Variants in DGKB observed in about 807,000 individuals in gnomAD.
DGKB encodes diacylglycerol kinase beta.
Under a neutral mutation model 114.3 loss-of-function variants are expected in DGKB, and 67 were observed. That is an observed-to-expected ratio of 0.59 (90% CI 0.48 to 0.72). The LOEUF is 0.72. Ranked by LOEUF, DGKB falls within the 30% of genes least tolerant of loss-of-function variation. The pLI, the probability that DGKB is intolerant of heterozygous loss-of-function variation, is 0.00. For missense variants in DGKB, 907 were observed against 975.2 expected (o/e 0.93, Z 0.93); for synonymous variants, 398 against 323.1 (o/e 1.23, Z -2.49).
chr7:14,706,987 A>G (rs1826370388), intron 6 of DGKB, among the ~76,000 whole-genome samples: 1 of 150,512 alleles, frequency 6.6e-6, no homozygotes, highest in East Asian at 2.0e-4. Context: ...TGAAGGAAAT[A>G]GAGACACAAA....
intron 20 of DGKB, among the ~76,000 whole-genome samples, chr7:14,561,956 C>T (rs901672815): frequency 2.6e-5 from 4 of 152,162 alleles, no homozygotes; most frequent in Non-Finnish European, 2.9e-5. Flanking sequence ...GTGGCAGCCC[C>T]CCTCATCACA....
intron 21 of DGKB, among the ~76,000 whole-genome samples, chr7:14,388,161 G>A (rs1057097229): frequency 6.7e-6 from 1 of 149,930 alleles, no homozygotes; most frequent in Non-Finnish European, 1.5e-5. Context: ...ACAGACGTGA[G>A]ATGTCCTTTT....
chr7:14,526,448 A>G (rs552065181), intron 20 of DGKB, among the ~76,000 whole-genome samples: 2 of 152,272 alleles, frequency 1.3e-5, no homozygotes, highest in South Asian at 4.1e-4. Context: ...GTTCTGTATT[A>G]CATCTGCCTA....
At chr7:14,748,620 T>A (rs1833701438) in intron 4 of DGKB, among the ~76,000 whole-genome samples, 2 of 152,120 alleles carry the variant, frequency 1.3e-5, no homozygotes, top group Admixed American at 1.3e-4. Context: ...TGGCAATGTG[T>A]GGACTGGGCA....
chr7:14,226,008 T>A (rs1584564416), intron 23 of DGKB, among the ~76,000 whole-genome samples: 1 of 152,128 alleles, frequency 6.6e-6, no homozygotes, highest in East Asian at 1.9e-4. Flanking sequence ...TCTCCTAGTT[T>A]CCAAACTAGT....
intron 23 of DGKB, among the ~76,000 whole-genome samples, chr7:14,231,695 T>A (rs945349662): frequency 2.0e-5 from 3 of 151,850 alleles, no homozygotes. Flanking sequence ...AATTTTCTGC[T>A]ATACAGAAAA....
intron 21 of DGKB, among the ~76,000 whole-genome samples, chr7:14,376,169 T>C (rs1818453599): frequency 6.6e-6 from 1 of 152,196 alleles, no homozygotes. Flanking sequence ...CTTGCACTTG[T>C]GTTGGTGGCC....
chr7:14,353,083 A>T (rs890676606), intron 21 of DGKB, among the ~76,000 whole-genome samples: 3 of 152,200 alleles, frequency 2.0e-5, no homozygotes, highest in Non-Finnish European at 2.9e-5. Context: ...CTTAGAAGTG[A>T]TGCTTCCAAC....
chr7:14,853,862 C>T (rs1349633966), intron 1 of DGKB, among the ~76,000 whole-genome samples: 4 of 87,598 alleles, frequency 4.6e-5, no homozygotes, highest in Middle Eastern at 6.0e-3. Context: ...ACCGAGACTC[C>T]GTCTCAAAAA....
chr7:14,424,655 T>G (rs1827227313), intron 21 of DGKB, among the ~76,000 whole-genome samples: 1 of 152,088 alleles, frequency 6.6e-6, no homozygotes, highest in Non-Finnish European at 1.5e-5. Context: ...AAAGGTATGG[T>G]TAAGCTTCAA....
At chr7:14,514,877 G>A (rs574661712) in intron 20 of DGKB, among the ~76,000 whole-genome samples, 89 of 151,994 alleles carry the variant, frequency 5.9e-4, no homozygotes, top group African/African-American at 2.1e-3. Flanking sequence ...AACATAGGGA[G>A]ACCACAACTC....
chr7:14,207,038 G>A (rs1786940847), intron 23 of DGKB, among the ~76,000 whole-genome samples: 1 of 152,004 alleles, frequency 6.6e-6, no homozygotes, highest in East Asian at 1.9e-4. Context: ...TTATTATACT[G>A]TTTCTCTTAC....
intron 15 of DGKB, among the ~76,000 whole-genome samples, chr7:14,616,033 A>AT (rs1389371550): frequency 6.6e-6 from 1 of 150,920 alleles, no homozygotes; most frequent in East Asian, 1.9e-4. Context: ...TAATATTTTT[A>AT]TTTTTTTGAA....
intron 1 of DGKB, among the ~76,000 whole-genome samples, chr7:14,878,584 G>C (rs1335853930): frequency 6.6e-6 from 1 of 151,776 alleles, no homozygotes; most frequent in African/African-American, 2.4e-5. Context: ...TCTCTACTAA[G>C]AATACAAAAA....
At chr7:14,817,497 TAA>T (rs1465499985) in intron 2 of DGKB, among the ~76,000 whole-genome samples, 1 of 152,094 alleles carries the variant, frequency 6.6e-6, no homozygotes, top group East Asian at 1.9e-4. Flanking sequence ...TTGATGACGA[TAA>T]AAACAATCAG....
rs1283762537 is a variant in DGKB at position 14,316,581 on chromosome 7, CAGG to C, written c.2122+21931_2122+21933del. 1.1e-3 allele frequency among the ~76,000 whole-genome samples: 137 copies of C among 124,130 alleles called. No homozygotes were observed. In the Middle Eastern group the frequency reaches 0.015, roughly 14 times the overall value. The allele number at this position is 124,130 out of a possible 152,430, so 81.4% of individuals were successfully genotyped here. A position where few individuals can be genotyped will look rare whatever the true frequency, so the allele number is the denominator to read the frequency against. On this transcript the variant is annotated intron_variant, in intron 23 of 25. Transcript: ENST00000402815. ...CACATACACTCTCCCAAGACTAAACCAGGAAGAAGTTGAATCTCTGAATAGACC... is the reference window on the plus strand; with the variant it reads ...CACATACACTCTCCCAAGACTAAACCAAGAAGTTGAATCTCTGAATAGACC...
At chr7:14,817,932 T>G (rs1461937685) in intron 2 of DGKB, among the ~76,000 whole-genome samples, 1 of 117,316 alleles carries the variant, frequency 8.5e-6, no homozygotes, top group Non-Finnish European at 1.7e-5. Context: ...TCAATTCTGG[T>G]GACAAAAAAA....
intron 2 of DGKB, among the ~76,000 whole-genome samples, chr7:14,797,078 G>A (rs1161136791): frequency 6.6e-6 from 1 of 152,166 alleles, no homozygotes; most frequent in Admixed American, 6.5e-5. Context: ...TTGACTGGTG[G>A]AGTTTATGTT....
chr7:14,529,503 A>G (rs974398021), intron 20 of DGKB, among the ~76,000 whole-genome samples: 1 of 151,844 alleles, frequency 6.6e-6, no homozygotes, highest in Non-Finnish European at 1.5e-5. Flanking sequence ...AATTATAATA[A>G]TATTTTGTAC....
Sources: allele counts gnomAD v4.1 joint callset (sites outside exome capture counted in the v4.1 genomes callset), GRCh38; gene constraint gnomAD v4.1.1; transcripts MANE v1.5; gene names NCBI Gene and HGNC (gene_info 2026-07-23, HGNC 2026-07-21).